The following CEP112 variants were observed in gnomAD, a reference collection of about 807,000 sequenced individuals.
CEP112 encodes the protein centrosomal protein 112, also known as centrosomal protein of 112 kDa.
In CEP112, 127 loss-of-function variants were observed where a neutral mutation model predicts 153.0. The ratio of observed to expected loss-of-function variants is 0.83; its 90% CI spans 0.72 to 0.96. The LOEUF is 0.96. CEP112 is among the 40% of genes least tolerant of loss of function. CEP112 has a pLI of 0.00. For synonymous variants in CEP112, 358 were observed against 374.4 expected, an observed-to-expected ratio of 0.96 and a Z score of 0.51; for missense variants, 1,089 against 1,101.2, an observed-to-expected ratio of 0.99 and a Z score of 0.16.
intron 18 of CEP112, among the ~76,000 whole-genome samples, chr17:65,936,881 T>C (rs1226802563): frequency 6.8e-6 from 1 of 146,828 alleles, no homozygotes; most frequent in Admixed American, 6.9e-5. Context: ...AGCTGTACTG[T>C]ACTGCCACCG....
chr17:65,652,616 T>C (rs947033168), intron 24 of CEP112, among the ~76,000 whole-genome samples: 7 of 152,176 alleles, frequency 4.6e-5, no homozygotes, highest in African/African-American at 1.7e-4. Flanking sequence ...GTTATTTGCA[T>C]AAATTAATGA....
chr17:66,138,372 T>C lies in CEP112; in HGVS notation c.471-5609A>G, dbSNP rs116987567. On this transcript the variant is annotated intron_variant, in intron 4 of 26. Transcript: ENST00000535342. ...GATACTATCTGGGATACCTGATGGT[T>C]GGTTTCCAGAGACAGGAACTCAAAT... 6.5e-4 allele frequency among the ~76,000 whole-genome samples: 99 copies of C among 152,310 alleles called. 1 individual carries two copies. In the Middle Eastern group the frequency reaches 0.017, roughly 26 times the overall value.
chr17:65,749,151 A>G (rs1054825643), intron 22 of CEP112, among the ~76,000 whole-genome samples: 1 of 152,178 alleles, frequency 6.6e-6, no homozygotes, highest in African/African-American at 2.4e-5. Flanking sequence ...TTACATAAAC[A>G]TATACGACTC....
chr17:65,819,049 T>C (rs2056406967), intron 21 of CEP112, among the ~76,000 whole-genome samples: 1 of 151,958 alleles, frequency 6.6e-6, no homozygotes, highest in African/African-American at 2.4e-5. Flanking sequence ...AAGATTTCAA[T>C]CCACTAATTT....
intron 4 of CEP112, among the ~76,000 whole-genome samples, chr17:66,141,134 C>A (rs997432810): frequency 1.3e-5 from 2 of 149,328 alleles, no homozygotes; most frequent in Non-Finnish European, 2.9e-5. Context: ...TTTATTTTTT[C>A]CTTTGTTTTC....
At position 65,832,418 on chromosome 17, in the gene CEP112, GA is replaced by G. The variant is rs869138180; in HGVS notation, c.2394+19385del. 1.8e-3 allele frequency among the ~76,000 whole-genome samples: 223 copies of G among 126,920 alleles called. 1 individual carries two copies. The highest frequency in any genetic ancestry group is 4.7e-3 in the African/African-American group (163 of 34,456). 83.3% of individuals were successfully genotyped at this position (126,920 alleles called of 152,430 possible). A position where few individuals can be genotyped will look rare whatever the true frequency, so the allele number is the denominator to read the frequency against. On this transcript the variant is annotated intron_variant, in intron 21 of 26. Coordinates refer to ENST00000535342, the MANE Select transcript of CEP112 (RefSeq NM_001199165.4). ...AGTGAATCCAGGAGTTTGTTTTTTG[GA>G]AAAAAAAAAAAAACTAAAAAGACAG... is the stretch of plus-strand genomic sequence containing the variant.
At chr17:65,770,340 G>T (rs2053267573) in intron 21 of CEP112, among the ~76,000 whole-genome samples, 1 of 151,846 alleles carries the variant, frequency 6.6e-6, no homozygotes, top group Non-Finnish European at 1.5e-5. Flanking sequence ...AATCTTTAAA[G>T]TGCTGAAATT....
intron 8 of CEP112, among the ~76,000 whole-genome samples, chr17:66,086,464 C>T (rs572362494): frequency 2.4e-5 from 3 of 125,062 alleles, no homozygotes; most frequent in East Asian, 4.9e-4. Context: ...AGTGCAGTGG[C>T]GTGATCTCGG....
At chr17:65,753,462 T>C (rs1360777178) in intron 21 of CEP112, among the ~76,000 whole-genome samples, 1 of 152,208 alleles carries the variant, frequency 6.6e-6, no homozygotes, top group African/African-American at 2.4e-5. Flanking sequence ...ATTCCATAAA[T>C]CTCTTTGTAT....
chr17:65,971,716 G>C (rs536943606), intron 17 of CEP112, among the ~76,000 whole-genome samples: 1 of 152,220 alleles, frequency 6.6e-6, no homozygotes, highest in East Asian at 1.9e-4. Context: ...TTACATGCAT[G>C]CATAAATATA....
intron 18 of CEP112, among the ~76,000 whole-genome samples, chr17:65,935,080 A>T (rs1162382262): frequency 6.6e-6 from 1 of 152,178 alleles, no homozygotes; most frequent in Non-Finnish European, 1.5e-5. Flanking sequence ...ATACGTGGGG[A>T]TTATGGGGAT....
chr17:66,054,818 G>A (rs567670432), intron 11 of CEP112, among the ~76,000 whole-genome samples: 1 of 152,294 alleles, frequency 6.6e-6, no homozygotes, highest in South Asian at 2.1e-4. Flanking sequence ...GTGCAGTGGT[G>A]CAATCTCGGC....
chr17:65,878,730 T>C (rs2058939073), intron 20 of CEP112, among the ~76,000 whole-genome samples: 1 of 150,728 alleles, frequency 6.6e-6, no homozygotes, highest in Non-Finnish European at 1.5e-5. Flanking sequence ...CAGTGAGAAG[T>C]GAAAATAAGG....
chr17:65,899,607 A>T (rs2059776771), intron 20 of CEP112, among the ~76,000 whole-genome samples: 1 of 152,170 alleles, frequency 6.6e-6, no homozygotes. Context: ...ATGATTTTCT[A>T]ATCAGCATAC....
intron 21 of CEP112, among the ~76,000 whole-genome samples, chr17:65,790,245 A>C (rs193094811): frequency 7.9e-4 from 121 of 152,290 alleles, no homozygotes; most frequent in African/African-American, 2.7e-3. Context: ...AGAAGCAAAG[A>C]CTATAAGGGA....
intron 6 of CEP112, among the ~76,000 whole-genome samples, chr17:66,125,963 T>A (rs927854375): frequency 1.3e-5 from 2 of 152,228 alleles, no homozygotes; most frequent in African/African-American, 4.8e-5. Flanking sequence ...TGATTTTTAG[T>A]GCTAAATTTA....
chr17:66,085,402 C>T (rs943333083), intron 8 of CEP112, among the ~76,000 whole-genome samples: 7 of 152,254 alleles, frequency 4.6e-5, no homozygotes, highest in African/African-American at 1.2e-4. Context: ...AACTTGTCAA[C>T]GTCAATCTAA....
intron 21 of CEP112, among the ~76,000 whole-genome samples, chr17:65,793,342 G>A (rs1378654107): frequency 6.6e-6 from 1 of 152,124 alleles, no homozygotes; most frequent in Non-Finnish European, 1.5e-5. Context: ...TTGGAAGGTG[G>A]GGAGTGGGAG....
intron 18 of CEP112, among the ~76,000 whole-genome samples, chr17:65,940,526 C>T (rs757669360): frequency 1.6e-4 from 25 of 152,110 alleles, no homozygotes; most frequent in Non-Finnish European, 2.9e-4. Flanking sequence ...GAAAATGTGG[C>T]ATGTATATAT....
Sources: allele counts gnomAD v4.1 joint callset (sites outside exome capture counted in the v4.1 genomes callset), GRCh38; gene constraint gnomAD v4.1.1; transcripts MANE v1.5; gene names NCBI Gene and HGNC (gene_info 2026-07-23, HGNC 2026-07-21).